MTOR: variants seen among roughly 807,000 people sequenced by gnomAD.
MTOR encodes the protein mechanistic target of rapamycin kinase, also known as serine/threonine-protein kinase mTOR.
A neutral mutation model predicts 319.8 loss-of-function variants in MTOR; 70 were observed. That is an observed-to-expected ratio of 0.22 (90% CI 0.18 to 0.27). The LOEUF (loss-of-function observed/expected upper bound fraction) is 0.27. MTOR is among the 10% of genes least tolerant of loss of function. MTOR has a pLI of 1.00. For synonymous variants in MTOR, 1,183 were observed against 1,211.4 expected (o/e 0.98, Z 0.49); for missense variants, 1,890 against 3,274.4 (o/e 0.58, Z 10.32).
chr1:11,176,832 AG>A (rs1260821052), intron 28 of MTOR, among the ~76,000 whole-genome samples: 1 of 152,220 alleles, frequency 6.6e-6, no homozygotes, highest in Non-Finnish European at 1.5e-5. Context: ...TTCTAGGGCC[AG>A]GAAGATCTGG....
intron 28 of MTOR, chr1:11,194,652 C>T: frequency 6.2e-7 from 1 of 1,614,156 alleles, no homozygotes; most frequent in Non-Finnish European, 8.5e-7. Flanking sequence ...GTGCACAGCT[C>T]CGCAAAGGTG....
In MTOR at chr1:11,109,251, A is replaced by C; in HGVS notation, c.7528+39T>G. 6.9e-6 allele frequency: 11 copies of C among 1,593,622 alleles called. No homozygotes were observed. Among genetic ancestry groups the C allele is most frequent in the Non-Finnish European group, 9.4e-6 (11 of 1,164,442 alleles). ...CACTCAGAGAGGAAAGTGTGCTCAG[A>C]TTTTATGTCCCTTTTAAGTAAACAC... On this transcript the variant is annotated intron_variant, in intron 56 of 57. Coordinates refer to ENST00000361445, the MANE Select transcript of MTOR (RefSeq NM_004958.4). This position sits in a 1 kb window ranked among gnomAD's most constrained non-coding sequence, Gnocchi z 4.0.
Position 11,183,477 on chromosome 1 carries a change from G to A in MTOR, c.4253+15781C>T, listed in dbSNP as rs530440583. The stretch of plus-strand genomic sequence containing the variant: ...TTGTGCTACCTTTTTCCTCCTTATT[G>A]TTTGATAAGAGTTCTTTATACACTC... On this transcript the variant is annotated intron_variant, in intron 28 of 57. Transcript: ENST00000361445. Among the ~76,000 whole-genome samples the A allele has an allele frequency of 1.3e-4, 19 of 151,950 alleles. No homozygotes were observed. The South Asian group carries it at 4.0e-3, about 32-fold the overall frequency.
rs554713100 is a variant in MTOR at position 11,181,332 on chromosome 1, C to T, written c.4254-13815G>A. The stretch of plus-strand genomic sequence containing the variant: ...AGGAATATGTATGCAATATATTATA[C>T]AATAAGGAAGCTACCTCAAGTTATT... On this transcript the variant is annotated intron_variant, in intron 28 of 57. Coordinates refer to ENST00000361445, the MANE Select transcript of MTOR (RefSeq NM_004958.4). 5.9e-5 allele frequency among the ~76,000 whole-genome samples: 9 copies of T among 151,982 alleles called. No homozygotes were observed. The South Asian group carries it at 6.2e-4, about 11-fold the overall frequency.
At chr1:11,152,338 A>G (rs1644176494) in intron 30 of MTOR, 2 of 152,308 alleles carry the variant, frequency 1.3e-5, no homozygotes, top group Middle Eastern at 3.4e-3. Flanking sequence ...GTTCTGGCAA[A>G]AAACGCAGAA....
At position 11,247,949 on chromosome 1, in the gene MTOR, G is replaced by A. The variant is rs753248955; in HGVS notation, c.986C>T (p.Ala329Val). 3.1e-6 allele frequency: 5 copies of A among 1,614,194 alleles called. No individual in the cohort carries two copies. The change falls in exon 7 of 58, where the codon GCC (alanine) becomes GTC (valine). Residue 329 changes from alanine to valine, a missense_variant. Ala to Val is a moderately conservative substitution (Grantham distance 64, BLOSUM62 0). Coordinates refer to ENST00000361445, the MANE Select transcript of MTOR (RefSeq NM_004958.4). ...FQAVQPQQSN[A>V]LVGLLGYSSH... The stretch of plus-strand genomic sequence containing the variant: ...GCTGTACCCCAGCAGCCCCACCAAG[G>A]CATTTGACTGCTGGGGCTGTACAGC...
At chr1:11,183,700 T>C (rs772218850) in intron 28 of MTOR, among the ~76,000 whole-genome samples, 1 of 152,224 alleles carries the variant, frequency 6.6e-6, no homozygotes, top group Non-Finnish European at 1.5e-5. Flanking sequence ...TTATCCTCTA[T>C]AAATTTTATT....
intron 8 of MTOR, among the ~76,000 whole-genome samples, chr1:11,245,616 T>C (rs1648702661): frequency 6.6e-6 from 1 of 152,158 alleles, no homozygotes; most frequent in Non-Finnish European, 1.5e-5. Context: ...CATAATTTCC[T>C]GGCAAGGCGC....
intron 38 of MTOR, chr1:11,131,018 G>A: frequency 1.7e-6 from 1 of 585,908 alleles, no homozygotes; most frequent in Non-Finnish European, 3.0e-6. Flanking sequence ...CACAGCAAGA[G>A]GAGCAGGAGA....
chr1:11,253,709 T>G, intron 6 of MTOR, 130 bp downstream of exon 6: 1 of 1,052,700 alleles, frequency 9.5e-7, no homozygotes. Context: ...TATCTGAAAT[T>G]ATCTTATTTA....
At chr1:11,175,623 G>A (rs1169767091) in intron 28 of MTOR, among the ~76,000 whole-genome samples, 1 of 152,208 alleles carries the variant, frequency 6.6e-6, no homozygotes, top group East Asian at 1.9e-4. Flanking sequence ...GCAGCGGGTG[G>A]TTCAGCTGTG....
At chr1:11,261,397 G>C (rs2100992966) in intron 1 of MTOR, among the ~76,000 whole-genome samples, 1 of 151,776 alleles carries the variant, frequency 6.6e-6, no homozygotes, top group East Asian at 2.0e-4. Flanking sequence ...GCGGGAACCC[G>C]GGAGGCGGAG....
At chr1:11,122,861 T>C (rs1010699005) in intron 47 of MTOR, among the ~76,000 whole-genome samples, 1 of 152,096 alleles carries the variant, frequency 6.6e-6, no homozygotes, top group African/African-American at 2.4e-5. Context: ...GAAGTGTGTG[T>C]TGAGGGATGC....
intron 28 of MTOR, among the ~76,000 whole-genome samples, chr1:11,181,268 G>GT (rs1645136835): frequency 6.7e-6 from 1 of 149,488 alleles, no homozygotes; most frequent in Non-Finnish European, 1.5e-5. Context: ...ATCTTCCTAA[G>GT]TAAAAAAAAA....
intron 19 of MTOR, among the ~76,000 whole-genome samples, chr1:11,224,025 C>T (rs936727284): frequency 5.4e-5 from 8 of 146,934 alleles, no homozygotes; most frequent in African/African-American, 2.1e-4. Context: ...GCAACAAGAG[C>T]GATACTCCGT....
intron 28 of MTOR, among the ~76,000 whole-genome samples, chr1:11,185,595 C>T (rs1448068034): frequency 6.6e-6 from 1 of 151,786 alleles, no homozygotes; most frequent in Non-Finnish European, 1.5e-5. Flanking sequence ...AGAGTGAAAC[C>T]CTGTCACAAA....
chr1:11,249,502 G>A (rs1649311610), intron 6 of MTOR, among the ~76,000 whole-genome samples: 1 of 149,364 alleles, frequency 6.7e-6, no homozygotes, highest in African/African-American at 2.5e-5. Context: ...AATAGTGGAG[G>A]GAAGGTCAGC....
intron 31 of MTOR, among the ~76,000 whole-genome samples, chr1:11,149,029 G>A (rs760249980): frequency 1.3e-5 from 2 of 152,092 alleles, no homozygotes; most frequent in Non-Finnish European, 2.9e-5. Flanking sequence ...GCCTCACAGA[G>A]TGCTGGGATT....
At position 11,136,824 on chromosome 1, in the gene MTOR, A is replaced by G. The variant is rs151111384; in HGVS notation, c.5131-2358T>C. The stretch of plus-strand genomic sequence containing the variant: ...TTTTTTTTTTTTCTAGGAGAACTAC[A>G]TTGACCAGTCTTAAATCTGATTTTT... On this transcript the variant is annotated intron_variant, in intron 36 of 57. Transcript: ENST00000361445. Among the ~76,000 whole-genome samples, 1,028 of 148,072 alleles carry G rather than the reference A, an allele frequency of 6.9e-3. 12 individuals are homozygous for G. The highest frequency in any genetic ancestry group is 0.024 in the African/African-American group (966 of 40,092).
Sources: gnomAD v4.1 joint callset for allele counts (sites outside exome capture counted in the v4.1 genomes callset) on GRCh38, gnomAD v4.1.1 for gene constraint, Gnocchi (gnomAD v3.1) non-coding constraint, MANE v1.5 for transcripts, NCBI Gene and HGNC (gene_info 2026-07-23, HGNC 2026-07-21) for gene names.